The following CNTN3 variants were observed in gnomAD, a reference collection of about 807,000 sequenced individuals.
CNTN3 encodes the protein contactin-3.
In CNTN3, 60 loss-of-function variants were observed where a neutral mutation model predicts 119.1. The observed-to-expected ratio is 0.50, with a 90% CI of 0.41 to 0.62. The LOEUF is 0.62. Among genes scored for constraint, CNTN3 ranks in the 20% least tolerant of loss-of-function variants. The pLI, the probability that CNTN3 is intolerant of heterozygous loss-of-function variation, is 0.00. For missense variants in CNTN3, 1,101 were observed against 1,242.4 expected (o/e 0.89, Z 1.71); for synonymous variants, 450 against 438.7 (o/e 1.03, Z -0.32).
intron 19 of CNTN3, among the ~76,000 whole-genome samples, chr3:74,285,790 G>GACATAT (rs1702099696): frequency 3.5e-5 from 2 of 56,514 alleles, no homozygotes; most frequent in Admixed American, 5.6e-4. Context: ...ATGAAGGGGA[G>GACATAT]ATATATATAT....
intron 4 of CNTN3, among the ~76,000 whole-genome samples, chr3:74,465,613 T>C (rs1462526403): frequency 2.6e-5 from 4 of 152,160 alleles, no homozygotes; most frequent in African/African-American, 4.8e-5. Flanking sequence ...CACAAAAAAA[T>C]GCATTTCTCC....
intron 1 of CNTN3, among the ~76,000 whole-genome samples, chr3:74,551,246 T>C (rs193127262): frequency 2.6e-5 from 4 of 152,282 alleles, no homozygotes; most frequent in Non-Finnish European, 4.4e-5. Context: ...AAAGACCACT[T>C]ATCTTAAATA....
intron 1 of CNTN3, among the ~76,000 whole-genome samples, chr3:74,536,294 C>T (rs1489870322): frequency 6.6e-6 from 1 of 152,090 alleles, no homozygotes; most frequent in Non-Finnish European, 1.5e-5. Flanking sequence ...AGCCTCCCCT[C>T]AGTACCTCAG....
chr3:74,427,872 T>C (rs1001161305), intron 4 of CNTN3, among the ~76,000 whole-genome samples: 1 of 151,716 alleles, frequency 6.6e-6, no homozygotes, highest in African/African-American at 2.4e-5. Flanking sequence ...AGAATGCTAA[T>C]GAAAAAGAAA....
intron 13 of CNTN3, among the ~76,000 whole-genome samples, chr3:74,332,637 A>G (rs986425361): frequency 2.0e-5 from 3 of 152,246 alleles, no homozygotes; most frequent in African/African-American, 7.2e-5. Flanking sequence ...GATGCATATT[A>G]CAGTCAAACT....
At chr3:74,304,033 A>T (rs1702511933) in intron 13 of CNTN3, among the ~76,000 whole-genome samples, 1 of 152,190 alleles carries the variant, frequency 6.6e-6, no homozygotes, top group Admixed American at 6.5e-5. Context: ...TGTAGTATAT[A>T]TTGTAAGATG....
At chr3:74,272,054 T>C (rs547900933) in intron 20 of CNTN3, among the ~76,000 whole-genome samples, 45 of 152,334 alleles carry the variant, frequency 3.0e-4, no homozygotes, top group Middle Eastern at 3.4e-3. Context: ...GATTATAAAC[T>C]ATAAGCAGAA....
At chr3:74,400,583 T>G (rs997584000) in intron 5 of CNTN3, among the ~76,000 whole-genome samples, 1 of 152,168 alleles carries the variant, frequency 6.6e-6, no homozygotes, top group Non-Finnish European at 1.5e-5. Context: ...CATCTTAGGT[T>G]TAAGAGTGTA....
At chr3:74,382,663 T>C (rs896451735) in intron 5 of CNTN3, among the ~76,000 whole-genome samples, 1 of 152,246 alleles carries the variant, frequency 6.6e-6, no homozygotes, top group African/African-American at 2.4e-5. Flanking sequence ...CGTAATGTCT[T>C]CCAGGTTCAT....
intron 2 of CNTN3, among the ~76,000 whole-genome samples, chr3:74,505,278 G>C (rs901733716): frequency 6.6e-6 from 1 of 151,760 alleles, no homozygotes; most frequent in African/African-American, 2.4e-5. Context: ...TTTAACAATG[G>C]GTTAACCTGC....
chr3:74,566,820 A>T (rs755040013), intron 1 of CNTN3, among the ~76,000 whole-genome samples: 14 of 152,180 alleles, frequency 9.2e-5, no homozygotes, highest in East Asian at 1.9e-4. Flanking sequence ...GGAGATAAGA[A>T]TTCCAGCTCA....
chr3:74,316,224 CAT>C (rs1163773980), intron 13 of CNTN3, among the ~76,000 whole-genome samples: 9 of 152,132 alleles, frequency 5.9e-5, no homozygotes, highest in African/African-American at 1.9e-4. Flanking sequence ...GGCCAAAAAA[CAT>C]ATGAAAAAAT....
At chr3:74,336,446 TTG>T (rs1350812179) in intron 12 of CNTN3, 83 bp downstream of exon 12, 7 of 1,422,240 alleles carry the variant, frequency 4.9e-6, no homozygotes, top group Non-Finnish European at 5.9e-6. Context: ...GTACTGAACA[TTG>T]TGAAACACAT....
intron 1 of CNTN3, among the ~76,000 whole-genome samples, chr3:74,565,093 A>T (rs1053989418): frequency 2.0e-5 from 3 of 152,120 alleles, no homozygotes; most frequent in African/African-American, 7.2e-5. Context: ...GTGGAGAACA[A>T]GTAGTTTTCC....
intron 12 of CNTN3, among the ~76,000 whole-genome samples, chr3:74,335,771 T>C (rs1703377987): frequency 6.6e-6 from 1 of 152,076 alleles, no homozygotes; most frequent in Non-Finnish European, 1.5e-5. Context: ...CTGAAATAAT[T>C]CCTCAGGAGG....
intron 2 of CNTN3, among the ~76,000 whole-genome samples, chr3:74,507,883 C>T (rs1047394927): frequency 6.6e-6 from 1 of 151,980 alleles, no homozygotes; most frequent in South Asian, 2.1e-4. Flanking sequence ...CCATTCGCCT[C>T]GGCCTCCCAA....
intron 1 of CNTN3, among the ~76,000 whole-genome samples, chr3:74,580,845 T>C (rs542993977): frequency 2.6e-5 from 4 of 152,104 alleles, no homozygotes; most frequent in African/African-American, 9.7e-5. Flanking sequence ...CAGCCTCCCA[T>C]GTAGCTGGGA....
chr3:74,408,316 A>G (rs986463948), intron 5 of CNTN3, among the ~76,000 whole-genome samples: 1 of 152,234 alleles, frequency 6.6e-6, no homozygotes, highest in Admixed American at 6.5e-5. Context: ...TCTCCAGAAC[A>G]TAATGTTGTA....
In CNTN3 at chr3:74,565,053, T is replaced by C. The variant is rs190815492; in HGVS notation, c.-80-43861A>G. Among the ~76,000 whole-genome samples the C allele has an allele frequency of 6.0e-4, 92 of 152,254 alleles. 1 individual carries two copies. The East Asian group carries it at 0.011, about 18-fold the overall frequency. On this transcript the variant is annotated intron_variant, in intron 1 of 22. Coordinates refer to ENST00000263665, the MANE Select transcript of CNTN3 (RefSeq NM_020872.3). ...AATCTACCTTCTACCACTTCTACAT[T>C]TCAACCCAAAAGAAAAGAAAAAGAC...
Sources: allele counts gnomAD v4.1 joint callset (sites outside exome capture counted in the v4.1 genomes callset), GRCh38; gene constraint gnomAD v4.1.1; transcripts MANE v1.5; gene names NCBI Gene and HGNC (gene_info 2026-07-23, HGNC 2026-07-21).